The following STPG2 variants were observed in gnomAD, a reference collection of about 807,000 sequenced individuals.
STPG2 encodes the protein sperm-tail PG-rich repeat-containing protein 2.
Under a neutral mutation model 54.2 loss-of-function variants are expected in STPG2, and 56 were observed. The ratio of observed to expected loss-of-function variants is 1.03; its 90% CI spans 0.83 to 1.29. The LOEUF is 1.29. STPG2 is among the 50% of genes most tolerant of loss of function. STPG2 has a pLI of 0.00. For missense variants in STPG2, 596 were observed against 544.9 expected (o/e 1.09, Z -0.93); for synonymous variants, 200 against 181.8 (o/e 1.10, Z -0.81).
At chr4:97,682,136 C>A (rs1452500097) in intron 10 of STPG2, among the ~76,000 whole-genome samples, 1 of 151,582 alleles carries the variant, frequency 6.6e-6, no homozygotes, top group African/African-American at 2.4e-5. Flanking sequence ...GCTACCAAAT[C>A]TAATGAATTA....
intron 9 of STPG2, among the ~76,000 whole-genome samples, chr4:97,745,159 C>T (rs1725383101): frequency 1.3e-5 from 2 of 149,960 alleles, no homozygotes; most frequent in African/African-American, 2.4e-5. Context: ...TGTATTGATA[C>T]TTCAAAACGT....
chr4:97,981,354 T>C (rs367771162), intron 5 of STPG2, 36 bp from the exon 6 acceptor site: 9 of 1,604,302 alleles, frequency 5.6e-6, no homozygotes, highest in Non-Finnish European at 7.7e-6. Flanking sequence ...AATAAGAAAG[T>C]ATAGTACATT....
chr4:97,877,620 C>T (rs1325291099), intron 8 of STPG2, among the ~76,000 whole-genome samples: 7 of 152,148 alleles, frequency 4.6e-5, no homozygotes, highest in Non-Finnish European at 1.0e-4. Context: ...ACCATGAGAA[C>T]AGTGTGGGGA....
chr4:97,457,097 T>C (rs1204535003), intron 4 of STPG2, among the ~76,000 whole-genome samples: 2 of 152,118 alleles, frequency 1.3e-5, no homozygotes, highest in African/African-American at 2.4e-5. Flanking sequence ...AAAACATTGA[T>C]AATACCAAAT....
intron 9 of STPG2, among the ~76,000 whole-genome samples, chr4:97,797,702 C>G (rs925472281): frequency 6.6e-6 from 1 of 151,940 alleles, no homozygotes; most frequent in African/African-American, 2.4e-5. Context: ...GCTGGCCTCA[C>G]AAATGAGTTA....
intron 8 of STPG2, among the ~76,000 whole-genome samples, chr4:97,937,974 A>C (rs1732811865): frequency 6.6e-6 from 1 of 152,166 alleles, no homozygotes; most frequent in Non-Finnish European, 1.5e-5. Context: ...GATTCCTCAG[A>C]GCTAGCAGGA....
intron 4 of STPG2, among the ~76,000 whole-genome samples, chr4:97,470,181 G>T (rs374257400): frequency 2.6e-5 from 4 of 151,978 alleles, no homozygotes; most frequent in African/African-American, 4.8e-5. Context: ...AGGAGAGAGA[G>T]AATTAACAAT....
chr4:97,763,666 C>T (rs1426808552), intron 9 of STPG2, among the ~76,000 whole-genome samples: 1 of 152,112 alleles, frequency 6.6e-6, no homozygotes, highest in African/African-American at 2.4e-5. Context: ...GAAGACATTT[C>T]TGGCATTCTA....
intron 9 of STPG2, among the ~76,000 whole-genome samples, chr4:97,757,316 G>T (rs1406362685): frequency 6.6e-6 from 1 of 152,050 alleles, no homozygotes. Flanking sequence ...ATCACGAGCA[G>T]CTCTTCTAAT....
Position 97,760,555 on chromosome 4 carries a change from C to T in STPG2, c.1205-47741G>A, listed in dbSNP as rs56825446. On this transcript the variant is annotated intron_variant, in intron 9 of 10. Coordinates refer to ENST00000295268, the MANE Select transcript of STPG2 (RefSeq NM_174952.3). ...ATAGTCTTTAAAATTCCATCCAACC[C>T]TACAAGTCAATAATTCTGTGGTTAA... is the stretch of plus-strand genomic sequence containing the variant. Among the ~76,000 whole-genome samples the T allele has an allele frequency of 4.0e-3, 608 of 152,184 alleles. 4 individuals carry two copies. Among genetic ancestry groups the T allele is most frequent in the African/African-American group, 0.014 (581 of 41,544 alleles).
chr4:97,504,132 TTTTA>T (rs886600926), intron 4 of STPG2, among the ~76,000 whole-genome samples: 13 of 145,946 alleles, frequency 8.9e-5, no homozygotes, highest in African/African-American at 2.7e-4. Context: ...AAATATTTTA[TTTTA>T]TTTAATATTT....
At chr4:97,474,672 CTTTT>C (rs1300073852) in intron 4 of STPG2, among the ~76,000 whole-genome samples, 3 of 151,942 alleles carry the variant, frequency 2.0e-5, no homozygotes, top group Non-Finnish European at 4.4e-5. Flanking sequence ...TCATTACTTT[CTTTT>C]TAATTTATTT....
chr4:98,100,613 T>C (rs1258107374), intron 5 of STPG2, among the ~76,000 whole-genome samples: 2 of 150,464 alleles, frequency 1.3e-5, no homozygotes, highest in African/African-American at 2.4e-5. Context: ...ATTAGGCCTA[T>C]CACACACCAA....
rs114090777 is a variant in STPG2, at chr4:97,544,448, A to G, written c.462+168251T>C. 3.4e-3 allele frequency among the ~76,000 whole-genome samples: 518 copies of G among 152,184 alleles called. 1 individual carries two copies. Among genetic ancestry groups the G allele is most frequent in the African/African-American group, 0.012 (490 of 41,564 alleles). On this transcript the variant is annotated intron_variant, in intron 4 of 4. Coordinates refer to the STPG2 transcript ENST00000522676. ...CTTCAAACACTCAAAAACATTCATGAGGGAAACACAGAAACCATATAAAAT... is the reference window on the plus strand; with the variant it reads ...CTTCAAACACTCAAAAACATTCATGGGGGAAACACAGAAACCATATAAAAT...
intron 5 of STPG2, among the ~76,000 whole-genome samples, chr4:98,055,852 T>C (rs1231347306): frequency 6.6e-6 from 1 of 152,146 alleles, no homozygotes; most frequent in Non-Finnish European, 1.5e-5. Context: ...AGCCTGGCCA[T>C]GCCTGTTAAC....
intron 9 of STPG2, among the ~76,000 whole-genome samples, chr4:97,735,640 T>C (rs1358382248): frequency 2.0e-5 from 3 of 148,932 alleles, no homozygotes; most frequent in Non-Finnish European, 3.0e-5. Flanking sequence ...TACACACACA[T>C]ATCTACAGAT....
At chr4:97,605,163 T>TC (rs1733562699) in intron 10 of STPG2, among the ~76,000 whole-genome samples, 1 of 151,110 alleles carries the variant, frequency 6.6e-6, no homozygotes, top group African/African-American at 2.4e-5. Flanking sequence ...GAAACGACAT[T>TC]CAGCTCTACA....
At chr4:97,952,668 G>A (rs1405145780) in intron 7 of STPG2, among the ~76,000 whole-genome samples, 2 of 152,148 alleles carry the variant, frequency 1.3e-5, no homozygotes, top group Non-Finnish European at 2.9e-5. Context: ...CATCTCTGAT[G>A]GGGATGGCAG....
At chr4:97,892,411 C>G (rs1730803747) in intron 8 of STPG2, among the ~76,000 whole-genome samples, 1 of 152,050 alleles carries the variant, frequency 6.6e-6, no homozygotes, top group Non-Finnish European at 1.5e-5. Context: ...CAGTCTATTG[C>G]CAGATAGTTA....
Sources: allele counts gnomAD v4.1 joint callset (sites outside exome capture counted in the v4.1 genomes callset), GRCh38; gene constraint gnomAD v4.1.1; transcripts MANE v1.5; gene names NCBI Gene and HGNC (gene_info 2026-07-23, HGNC 2026-07-21).